The following PLPP7 variants were observed in gnomAD, a reference collection of about 807,000 sequenced individuals.
The protein encoded by PLPP7 is inactive phospholipid phosphatase 7.
PLPP7 carries 11 observed loss-of-function variants against 16.9 expected under a neutral mutation model. That is an observed-to-expected ratio of 0.65 (90% CI 0.41 to 1.08). The LOEUF (loss-of-function observed/expected upper bound fraction) is 1.08, where lower values mean the gene tolerates loss of function less well. Among genes scored for constraint, PLPP7 ranks in the 50% least tolerant of loss-of-function variants. The pLI is 0.00. For missense variants in PLPP7, 358 were observed against 397.1 expected (o/e 0.90, Z 0.84); for synonymous variants, 174 against 175.1 (o/e 0.99, Z 0.05).
Position 131,307,991 on chromosome 9 carries a change from A to G in PLPP7, c.520A>G (p.Thr174Ala). The G allele has an allele frequency of 6.2e-7, 1 of 1,600,494 alleles. No individual in the cohort carries two copies. The highest frequency in any genetic ancestry group is 8.5e-7 in the Non-Finnish European group (1 of 1,179,686). Residue 174 changes from threonine (T) to alanine (A), a missense_variant, in exon 2 of 2, where the codon ACG becomes GCG. Physicochemically the swap from Thr to Ala is moderately conservative, Grantham distance 58 (BLOSUM62 0). Coordinates refer to ENST00000372264, the MANE Select transcript of PLPP7 (RefSeq NM_032728.4). The stretch of plus-strand genomic sequence containing the variant: ...CATCAAGCGGCGCGGCCCGTACGAG[A>G]CGAGCCCCAGCCTCCTGGACTACCT... Reference protein sequence around the residue: ...KLIKRRGPYETSPSLLDYLTM... With the variant: ...KLIKRRGPYEASPSLLDYLTM...
intron 1 of PLPP7, among the ~76,000 whole-genome samples, chr9:131,305,381 T>C (rs1180336530): frequency 1.8e-5 from 2 of 108,574 alleles, no homozygotes; most frequent in African/African-American, 5.9e-5. Context: ...GGGATGCCCA[T>C]CTGTAAAAAA....
Position 131,290,224 on chromosome 9 carries a change from C to G in PLPP7, c.227C>G (p.Ser76Cys). Reference protein sequence around the residue: ...PEEDCMQLNPSFKGIAFNSLL... With the variant: ...PEEDCMQLNPCFKGIAFNSLL... ...GAGGACTGCATGCAGCTGAACCCCT[C>G]CTTCAAGGGCATCGCCTTCAACTCC... The change falls in exon 1 of 2, where the codon TCC becomes TGC. Residue 76 changes from serine to cysteine, a missense_variant. Ser to Cys is a moderately radical substitution (Grantham distance 112, BLOSUM62 -1). Coordinates refer to ENST00000372264, the MANE Select transcript of PLPP7 (RefSeq NM_032728.4). This position sits in a 1 kb window ranked among gnomAD's most constrained non-coding sequence, Gnocchi z 4.2. 6.2e-7 allele frequency: 1 copy of G among 1,608,984 alleles called. No individual in the cohort carries two copies. Among genetic ancestry groups the G allele is most frequent in the Non-Finnish European group, 8.5e-7 (1 of 1,177,254 alleles).
chr9:131,290,924 C>T lies in PLPP7; in HGVS notation c.451+476C>T, dbSNP rs1353151358. Among the ~76,000 whole-genome samples the T allele has an allele frequency of 1.3e-5, 2 of 152,130 alleles. No homozygotes were observed. Among genetic ancestry groups the T allele is most frequent in the East Asian group, 1.9e-4 (1 of 5,176 alleles). On this transcript the variant is annotated intron_variant, in intron 1 of 1. Transcript: ENST00000372264. The surrounding 1 kb of genome is among the most constrained non-coding windows in gnomAD (Gnocchi z 4.2). ...GCACCTCCCGCCTCGGTTCAGGAAC[C>T]GGGAAAGCTGCCCAGGCTTCTTCCC...
rs1835641346 is a variant in PLPP7 at position 131,289,837 on chromosome 9, G to A, written c.-161G>A. On this transcript the variant is annotated 5_prime_UTR_variant, in exon 1 of 2. Coordinates refer to ENST00000372264, the MANE Select transcript of PLPP7 (RefSeq NM_032728.4). ...CCCCTTGGAGCTGGGTGGCAGAGGA[G>A]ATAAACAGCCATGTGCAACTCTCCA... The A allele has an allele frequency of 5.8e-6, 3 of 514,322 alleles. No individual in the cohort carries two copies. The highest frequency in any genetic ancestry group is 8.3e-5 in the South Asian group (1 of 12,056). 31.9% of individuals were successfully genotyped at this position (514,322 alleles called of 1,614,324 possible).
intron 1 of PLPP7, chr9:131,291,029 A>G (rs1835669331): frequency 1.5e-6 from 2 of 1,353,160 alleles, no homozygotes. Flanking sequence ...GCTCCTTCCC[A>G]GGGGGAGTCA....
chr9:131,303,204 C>T (rs1835817583), intron 1 of PLPP7, among the ~76,000 whole-genome samples: 1 of 151,988 alleles, frequency 6.6e-6, no homozygotes, highest in Non-Finnish European at 1.5e-5. Context: ...TGGTAGCACA[C>T]ACTTGTAATC....
intron 1 of PLPP7, among the ~76,000 whole-genome samples, chr9:131,299,390 T>C (rs1374387126): frequency 1.3e-5 from 2 of 152,222 alleles, no homozygotes; most frequent in Non-Finnish European, 2.9e-5. Context: ...CAGGGCCATG[T>C]GGGCGGAATC....
intron 1 of PLPP7, among the ~76,000 whole-genome samples, chr9:131,307,003 G>C (rs527938575): frequency 1.5e-4 from 23 of 152,112 alleles, no homozygotes; most frequent in Non-Finnish European, 3.1e-4. Flanking sequence ...TGAACACTTG[G>C]GGAGGCTGAG....
chr9:131,298,171 T>C (rs574162348), intron 1 of PLPP7, among the ~76,000 whole-genome samples: 10 of 152,260 alleles, frequency 6.6e-5, no homozygotes, highest in Middle Eastern at 6.8e-3. Context: ...CAAGGAGATA[T>C]TCCTGCAAGG....
rs1184113634 is a variant in PLPP7 at position 131,295,123 on chromosome 9, G to C, written c.451+4675G>C. Among the ~76,000 whole-genome samples the C allele has an allele frequency of 6.6e-6, 1 of 151,346 alleles. No homozygotes were observed. The highest frequency in any genetic ancestry group is 1.5e-5 in the Non-Finnish European group (1 of 67,820). On this transcript the variant is annotated intron_variant, in intron 1 of 1. Coordinates refer to ENST00000372264, the MANE Select transcript of PLPP7 (RefSeq NM_032728.4). This position sits in a 1 kb window ranked among gnomAD's most constrained non-coding sequence, Gnocchi z 4.0. ...GAGTGAGACTCTGTCTAAAAAAAAA[G>C]TATCTTTATTGAGATTTTCCTGAAT... is the stretch of plus-strand genomic sequence containing the variant.
chr9:131,298,228 C>T (rs187084144), intron 1 of PLPP7, among the ~76,000 whole-genome samples: 8 of 152,240 alleles, frequency 5.3e-5, no homozygotes, highest in African/African-American at 1.4e-4. Flanking sequence ...GTTCTGATTC[C>T]GAAGCCAAAT....
chr9:131,291,773 G>A (rs921041184), intron 1 of PLPP7, among the ~76,000 whole-genome samples: 2 of 152,010 alleles, frequency 1.3e-5, no homozygotes, highest in Admixed American at 1.3e-4. Flanking sequence ...GTAGAGATGG[G>A]GTTTCACCAT....
At position 131,308,226 on chromosome 9, in the gene PLPP7, G is replaced by C; in HGVS notation, c.755G>C (p.Arg252Pro). 6.3e-7 allele frequency: 1 copy of C among 1,599,494 alleles called. No homozygotes were observed. Among genetic ancestry groups the C allele is most frequent in the Non-Finnish European group, 8.5e-7 (1 of 1,179,792 alleles). ...SGFVIGYLQF[R>P]LVELVWMPSS... Reference sequence around the variant, plus strand: ...TTTGTCATCGGCTACCTCCAGTTCCGTCTGGTGGAGCTGGTCTGGATGCCC... The same window carrying C: ...TTTGTCATCGGCTACCTCCAGTTCCCTCTGGTGGAGCTGGTCTGGATGCCC... Residue 252 changes from arginine (R) to proline (P), a missense_variant, in exon 2 of 2, where the codon CGT becomes CCT. Arg to Pro is a moderately radical substitution (Grantham distance 103, BLOSUM62 -2). Coordinates refer to ENST00000372264, the MANE Select transcript of PLPP7 (RefSeq NM_032728.4).
chr9:131,303,192 C>A (rs753032323), intron 1 of PLPP7, among the ~76,000 whole-genome samples: 20 of 151,928 alleles, frequency 1.3e-4, no homozygotes, highest in Non-Finnish European at 2.4e-4. Flanking sequence ...ATTAGCTGGG[C>A]GTGGTAGCAC....
chr9:131,297,782 C>T (rs1257543198), intron 1 of PLPP7, among the ~76,000 whole-genome samples: 1 of 152,142 alleles, frequency 6.6e-6, no homozygotes, highest in East Asian at 1.9e-4. Context: ...TAAAAATCAC[C>T]CCTAATCCTC....
rs568627671 is a variant in PLPP7 at position 131,307,952 on chromosome 9, G to A, written c.481G>A (p.Gly161Ser). 7.4e-5 allele frequency: 118 copies of A among 1,595,632 alleles called. No individual in the cohort carries two copies. The highest frequency in any genetic ancestry group is 5.0e-4 in the Middle Eastern group (3 of 6,040). The part of the protein sequence containing the change: ...ALLLDIMTVA[G>S]VQKLIKRRGP... ...GCTCCTGGACATCATGACGGTGGCC[G>A]GCGTGCAGAAGCTCATCAAGCGGCG... Residue 161 changes from glycine to serine, a missense_variant, in exon 2 of 2, where the codon GGC (glycine) becomes AGC (serine). Physicochemically the swap from Gly to Ser is moderately conservative, Grantham distance 56. Transcript: ENST00000372264.
intron 1 of PLPP7, among the ~76,000 whole-genome samples, chr9:131,299,366 A>AGAAAGGGATGTAGGT (rs58232246): frequency 6.6e-6 from 1 of 151,848 alleles, no homozygotes; most frequent in Non-Finnish European, 1.5e-5. Flanking sequence ...CCTTGAGTCA[A>AGAAAGGGATGTAGGT]CTGGTCGACT....
chr9:131,299,294 G>T (rs559714692), intron 1 of PLPP7, among the ~76,000 whole-genome samples: 1 of 152,126 alleles, frequency 6.6e-6, no homozygotes, highest in Non-Finnish European at 1.5e-5. Context: ...CCAGCTCCCC[G>T]GCTCTTGCCC....
chr9:131,297,877 ATATCT>A (rs1036746086), intron 1 of PLPP7, among the ~76,000 whole-genome samples: 4 of 152,078 alleles, frequency 2.6e-5, no homozygotes, highest in Admixed American at 6.5e-5. Flanking sequence ...GCTTACATAC[ATATCT>A]TATTTTATGA....
Sources: allele counts gnomAD v4.1 joint callset (sites outside exome capture counted in the v4.1 genomes callset), GRCh38; gene constraint gnomAD v4.1.1; non-coding constraint Gnocchi (gnomAD v3.1); transcripts MANE v1.5; gene names NCBI Gene and HGNC (gene_info 2026-07-23, HGNC 2026-07-21).